Variants in RNF115 observed in about 807,000 individuals in gnomAD.
The protein encoded by RNF115 is ring finger protein 115.
In RNF115, 31 loss-of-function variants were observed where a neutral mutation model predicts 39.2. The ratio of observed to expected loss-of-function variants is 0.79; its 90% CI spans 0.59 to 1.07. The LOEUF is 1.07. Among genes scored for constraint, RNF115 ranks in the 50% least tolerant of loss-of-function variants. RNF115 has a pLI of 0.00. For synonymous variants in RNF115, 124 were observed against 131.0 expected (o/e 0.95, Z 0.37); for missense variants, 384 against 381.7 (o/e 1.01, Z -0.05).
rs1553711814 is a variant in RNF115, at chr1:145,746,904, TA to T, written c.876del (p.Phe292LeufsTer20). Reference sequence around the variant, plus strand: ...CGGTCATGTAGCTGACTGTCATTGCTAAATCTGTTGCTTGCAGAGGCCTCAG... The same window carrying T: ...CGGTCATGTAGCTGACTGTCATTGCTAATCTGTTGCTTGCAGAGGCCTCAG... ...QSTEASASNR[F>X]SNDSQLHDRW... is the part of the protein sequence containing the mutation. On this transcript the variant is annotated frameshift_variant, in exon 9 of 9. Coordinates refer to ENST00000582693, the MANE Select transcript of RNF115 (RefSeq NM_014455.4). LOFTEE classifies it high-confidence loss of function. The T allele has an allele frequency of 6.2e-7, 1 of 1,614,168 alleles. No individual in the cohort carries two copies. Among genetic ancestry groups the T allele is most frequent in the South Asian group, 1.1e-5 (1 of 91,066 alleles).
chr1:145,794,715 T>G (rs1553719631), intron 1 of RNF115, among the ~76,000 whole-genome samples: 1 of 151,310 alleles, frequency 6.6e-6, no homozygotes, highest in Non-Finnish European at 1.5e-5. Context: ...AGTGTTACAC[T>G]TCTTAAAGAT....
intron 1 of RNF115, among the ~76,000 whole-genome samples, chr1:145,815,277 G>A (rs1649937792): frequency 6.6e-6 from 1 of 152,298 alleles, no homozygotes; most frequent in Non-Finnish European, 1.5e-5. Flanking sequence ...AATAAGTAGA[G>A]GGAGAGAAGC....
chr1:145,766,673 C>A (rs1273186457), intron 4 of RNF115, among the ~76,000 whole-genome samples: 294 of 141,764 alleles, frequency 2.1e-3, no homozygotes, highest in Middle Eastern at 7.5e-3. Context: ...GGGCGGGGGG[C>A]TGACCCCCCC....
At chr1:145,752,670 C>A (rs1221597404) in intron 5 of RNF115, among the ~76,000 whole-genome samples, 1 of 148,096 alleles carries the variant, frequency 6.8e-6, no homozygotes, top group Admixed American at 6.8e-5. Flanking sequence ...CTCACTGCAA[C>A]CTCCACCTCC....
intron 6 of RNF115, among the ~76,000 whole-genome samples, chr1:145,751,200 T>C (rs1658074163): frequency 1.3e-5 from 2 of 152,206 alleles, no homozygotes; most frequent in South Asian, 2.1e-4. Flanking sequence ...GTTATAGAAG[T>C]CTTTTCTTCC....
chr1:145,810,554 C>T (rs587615299), intron 1 of RNF115, among the ~76,000 whole-genome samples: 1,287 of 50,730 alleles, frequency 0.025, 500 homozygotes, highest in Non-Finnish European at 0.039. Flanking sequence ...GGCTTAATAG[C>T]TACGTGATGA....
intron 3 of RNF115, among the ~76,000 whole-genome samples, chr1:145,776,624 AG>A (rs1647898836): frequency 6.6e-6 from 1 of 151,588 alleles, no homozygotes; most frequent in South Asian, 2.1e-4. Flanking sequence ...GGATCACCTG[AG>A]GTGAGGAGTT....
intron 1 of RNF115, among the ~76,000 whole-genome samples, chr1:145,794,421 C>A (rs587761387): frequency 2.6e-5 from 4 of 151,866 alleles, no homozygotes; most frequent in Admixed American, 2.6e-4. Context: ...ACTCATCAAG[C>A]TCAGCACTGC....
At chr1:145,782,756 T>C (rs960558601) in intron 3 of RNF115, among the ~76,000 whole-genome samples, 2 of 152,262 alleles carry the variant, frequency 1.3e-5, no homozygotes, top group Non-Finnish European at 2.9e-5. Flanking sequence ...CTTCTGCATA[T>C]GCCTAATCAG....
At chr1:145,795,910 T>C (rs146681090) in intron 1 of RNF115, among the ~76,000 whole-genome samples, 6 of 152,270 alleles carry the variant, frequency 3.9e-5, no homozygotes, top group African/African-American at 1.4e-4. Flanking sequence ...CCTCCTGCAA[T>C]CAACATTACA....
chr1:145,807,188 C>T (rs1453116928), intron 1 of RNF115, among the ~76,000 whole-genome samples: 4 of 152,178 alleles, frequency 2.6e-5, no homozygotes, highest in Admixed American at 1.3e-4. Flanking sequence ...AAGTGCTGTA[C>T]TTCACAAATA....
intron 4 of RNF115, among the ~76,000 whole-genome samples, chr1:145,765,542 T>C (rs1163624219): frequency 6.6e-6 from 1 of 152,236 alleles, no homozygotes; most frequent in Non-Finnish European, 1.5e-5. Context: ...CTATATGTAC[T>C]AAACAACCAT....
At chr1:145,772,118 C>G in intron 3 of RNF115, 199 bp from the exon 4 acceptor site, 1 of 516,570 alleles carries the variant, frequency 1.9e-6, no homozygotes, top group Non-Finnish European at 3.4e-6. Flanking sequence ...TGGGTAATGA[C>G]AAATTGTTTT....
At chr1:145,765,474 C>A (rs1306756138) in intron 4 of RNF115, among the ~76,000 whole-genome samples, 1 of 151,506 alleles carries the variant, frequency 6.6e-6, no homozygotes, top group Non-Finnish European at 1.5e-5. Context: ...AATTCCTTAG[C>A]ATTTATCACA....
intron 4 of RNF115, among the ~76,000 whole-genome samples, chr1:145,758,475 C>T (rs913141503): frequency 2.6e-5 from 4 of 152,208 alleles, no homozygotes; most frequent in Admixed American, 6.5e-5. Context: ...CTCCCAAATT[C>T]CTGACCCTCA....
At chr1:145,763,676 G>A (rs1156644160) in intron 4 of RNF115, among the ~76,000 whole-genome samples, 1 of 152,070 alleles carries the variant, frequency 6.6e-6, no homozygotes, top group African/African-American at 2.4e-5. Context: ...TGCAGCCTGG[G>A]TGACAGAGTG....
intron 4 of RNF115, among the ~76,000 whole-genome samples, chr1:145,763,118 G>A (rs587726209): frequency 1.1e-4 from 16 of 152,172 alleles, no homozygotes; most frequent in African/African-American, 2.2e-4. Context: ...CAATATACCC[G>A]TGTAATAAAC....
chr1:145,762,513 A>C (rs951816467), intron 4 of RNF115, among the ~76,000 whole-genome samples: 13 of 152,218 alleles, frequency 8.5e-5, no homozygotes, highest in African/African-American at 2.9e-4. Flanking sequence ...GATAAAAAAG[A>C]TTATAAAATA....
chr1:145,771,951 G>T, intron 3 of RNF115, 32 bp from the exon 4 acceptor site: 1 of 1,564,688 alleles, frequency 6.4e-7, no homozygotes, highest in South Asian at 1.1e-5. Context: ...TCACATGTTA[G>T]AAAAATCAAT....
Sources: gnomAD v4.1 joint callset for allele counts (sites outside exome capture counted in the v4.1 genomes callset) on GRCh38, gnomAD v4.1.1 for gene constraint, MANE v1.5 for transcripts, NCBI Gene and HGNC (gene_info 2026-07-23, HGNC 2026-07-21) for gene names.